The following TTC28 variants were observed in gnomAD, a reference collection of about 807,000 sequenced individuals.
TTC28 encodes the protein tetratricopeptide repeat protein 28.
A neutral mutation model predicts 198.0 loss-of-function variants in TTC28; 61 were observed. The observed-to-expected ratio is 0.31, with a 90% CI of 0.25 to 0.38. TTC28 has a LOEUF of 0.38. Ranked by LOEUF, TTC28 falls within the 10% of genes least tolerant of loss-of-function variation. TTC28 has a pLI of 1.00. For missense variants in TTC28, 2,678 were observed against 3,164.0 expected (o/e 0.85, Z 3.69); for synonymous variants, 1,171 against 1,297.8 (o/e 0.90, Z 2.10).
At chr22:27,983,921 T>G in intron 22 of TTC28, 70 bp from the exon 23 acceptor site, 1 of 1,450,344 alleles carries the variant, frequency 6.9e-7, no homozygotes, top group Middle Eastern at 1.9e-4. Context: ...CTTTCAAAAT[T>G]TACGACATCT....
At chr22:28,160,756 G>T (rs1370327854) in intron 6 of TTC28, among the ~76,000 whole-genome samples, 2 of 152,188 alleles carry the variant, frequency 1.3e-5, no homozygotes, top group African/African-American at 4.8e-5. Flanking sequence ...GTGAGGGGGT[G>T]AGCCTCCTTT....
At chr22:28,090,350 A>AT (rs1941775828) in intron 12 of TTC28, among the ~76,000 whole-genome samples, 2 of 151,952 alleles carry the variant, frequency 1.3e-5, no homozygotes, top group Admixed American at 6.6e-5. Flanking sequence ...TTCACTTAAT[A>AT]TTTTGTCTAT....
At chr22:27,993,828 G>C (rs1207300729) in intron 17 of TTC28, among the ~76,000 whole-genome samples, 1 of 152,172 alleles carries the variant, frequency 6.6e-6, no homozygotes, top group Non-Finnish European at 1.5e-5. Context: ...TGAACACACA[G>C]GTCAGGGGCC....
chr22:28,361,972 G>A (rs1258812369), intron 2 of TTC28, among the ~76,000 whole-genome samples: 1 of 152,202 alleles, frequency 6.6e-6, no homozygotes, highest in Non-Finnish European at 1.5e-5. Flanking sequence ...CTGATCAAAA[G>A]AAGATTGATT....
At chr22:28,574,937 A>T (rs1176642963) in intron 2 of TTC28, among the ~76,000 whole-genome samples, 1 of 152,174 alleles carries the variant, frequency 6.6e-6, no homozygotes, top group Non-Finnish European at 1.5e-5. Context: ...ATCCCTTGTC[A>T]GATGGATAGT....
At chr22:28,293,596 A>G (rs1427915723) in intron 5 of TTC28, among the ~76,000 whole-genome samples, 1 of 152,128 alleles carries the variant, frequency 6.6e-6, no homozygotes, top group Non-Finnish European at 1.5e-5. Context: ...CATACTCAAA[A>G]TTTGCTAAAA....
chr22:28,455,782 T>G (rs2047850696), intron 2 of TTC28, among the ~76,000 whole-genome samples: 1 of 151,644 alleles, frequency 6.6e-6, no homozygotes, highest in African/African-American at 2.4e-5. Flanking sequence ...TTTGCCATCA[T>G]ATCTACACTT....
At chr22:28,328,647 G>A (rs1002193366) in intron 2 of TTC28, among the ~76,000 whole-genome samples, 5 of 150,496 alleles carry the variant, frequency 3.3e-5, no homozygotes, top group Non-Finnish European at 5.9e-5. Context: ...CCAGCTACTC[G>A]AGAGGCTGAG....
At chr22:28,140,490 A>G (rs1243867275) in intron 6 of TTC28, among the ~76,000 whole-genome samples, 2 of 152,242 alleles carry the variant, frequency 1.3e-5, no homozygotes, top group Non-Finnish European at 2.9e-5. Flanking sequence ...GAAACTCTGC[A>G]GAACTTTTCT....
intron 13 of TTC28, among the ~76,000 whole-genome samples, chr22:28,028,339 A>C (rs1938920196): frequency 6.6e-6 from 1 of 152,194 alleles, no homozygotes. Context: ...GAACCAACAA[A>C]TTAATCTACA....
chr22:28,080,011 G>T (rs1000686935), intron 12 of TTC28, among the ~76,000 whole-genome samples: 5 of 152,144 alleles, frequency 3.3e-5, no homozygotes, highest in African/African-American at 9.7e-5. Context: ...TTATAGGCAT[G>T]AGCCACCATG....
At chr22:28,250,724 C>A (rs1484480497) in intron 5 of TTC28, among the ~76,000 whole-genome samples, 1 of 152,140 alleles carries the variant, frequency 6.6e-6, no homozygotes, top group African/African-American at 2.4e-5. Flanking sequence ...TAGACACAAC[C>A]ATTTATTTTT....
Position 28,108,398 on chromosome 22 carries a change from T to A in TTC28, c.1447A>T (p.Ile483Leu). The change falls in exon 7 of 23, where the codon ATA (isoleucine) becomes TTA (leucine). Residue 483 changes from isoleucine (I) to leucine (L), a missense_variant. By Grantham distance (5) the Ile-to-Leu change is conservative. Coordinates refer to ENST00000397906, the MANE Select transcript of TTC28 (RefSeq NM_001145418.2). ...TCATAATCACCTTTCATCTGGTGTA[T>A]GATTCCTGAGAAAGAGAATAAAAGA... Reference protein sequence around the residue: ...EGRASSNLGIIHQMKGDYDTA... With the variant: ...EGRASSNLGILHQMKGDYDTA... The A allele has an allele frequency of 6.9e-7, 1 of 1,441,392 alleles. No individual in the cohort carries two copies. The highest frequency in any genetic ancestry group is 2.5e-5 in the East Asian group (1 of 39,412). 89.3% of individuals were successfully genotyped at this position (1,441,392 alleles called of 1,614,324 possible).
At chr22:28,320,193 G>A (rs1215762956) in intron 2 of TTC28, among the ~76,000 whole-genome samples, 1 of 151,934 alleles carries the variant, frequency 6.6e-6, no homozygotes, top group African/African-American at 2.4e-5. Flanking sequence ...GGAGAGGATT[G>A]GTAGGGCAGG....
At chr22:28,607,751 AGAT>A (rs1304809850) in intron 2 of TTC28, among the ~76,000 whole-genome samples, 1 of 152,210 alleles carries the variant, frequency 6.6e-6, no homozygotes, top group Non-Finnish European at 1.5e-5. Flanking sequence ...CACCTATAGC[AGAT>A]GATTGTTATG....
rs191283694 is a variant in TTC28, at chr22:28,356,653, C to T, written c.382-50010G>A. The stretch of plus-strand genomic sequence containing the variant: ...CCCATGACTTTGTGTGCAAGGTGCA[C>T]ACCCAAACATACTCATTTTGTGTCC... On this transcript the variant is annotated intron_variant, in intron 2 of 22. Coordinates refer to ENST00000397906, the MANE Select transcript of TTC28 (RefSeq NM_001145418.2). Among the ~76,000 whole-genome samples, 253 of 152,284 alleles carry T rather than the reference C, an allele frequency of 1.7e-3. 1 individual carries two copies. The highest frequency in any genetic ancestry group is 0.014 in the Middle Eastern group (4 of 294).
In TTC28 at chr22:27,989,034, A is replaced by G. The variant is rs1032424361; in HGVS notation, c.5707+844T>C. ...GACACATAACAGGTGTTCAAAAGAA[A>G]CCTGTGGAGTGAATGGTTCCCGAGC... On this transcript the variant is annotated intron_variant, in intron 21 of 22. Coordinates refer to ENST00000397906, the MANE Select transcript of TTC28 (RefSeq NM_001145418.2). Among the ~76,000 whole-genome samples, 22 of 152,176 alleles carry G rather than the reference A, an allele frequency of 1.4e-4. 1 individual carries two copies. Among genetic ancestry groups the G allele is most frequent in the Admixed American group, 1.2e-3 (18 of 15,280 alleles).
intron 1 of TTC28, among the ~76,000 whole-genome samples, chr22:28,674,258 CTTTGTGGTTTTTT>C (rs2051940103): frequency 1.5e-5 from 1 of 65,886 alleles, no homozygotes; most frequent in Non-Finnish European, 3.3e-5. Context: ...GTGGTTTTTT[CTTTGTGGTTTTTT>C]TTTTTTTTTT....
intron 6 of TTC28, among the ~76,000 whole-genome samples, chr22:28,138,729 TC>T (rs1943258081): frequency 6.6e-6 from 1 of 152,148 alleles, no homozygotes; most frequent in Non-Finnish European, 1.5e-5. Context: ...CCTGTGCCCC[TC>T]TGACTCCACA....
Sources: allele counts gnomAD v4.1 joint callset (sites outside exome capture counted in the v4.1 genomes callset), GRCh38; gene constraint gnomAD v4.1.1; transcripts MANE v1.5; gene names NCBI Gene and HGNC (gene_info 2026-07-23, HGNC 2026-07-21).